The following SLC14A2 variants were observed in gnomAD, a reference collection of about 807,000 sequenced individuals.
SLC14A2 encodes solute carrier family 14 member 2.
Under a neutral mutation model 104.6 loss-of-function variants are expected in SLC14A2, and 91 were observed. That is an observed-to-expected ratio of 0.87 (90% confidence interval 0.73 to 1.04). The LOEUF (loss-of-function observed/expected upper bound fraction) is 1.04, where lower values mean the gene tolerates loss of function less well. Ranked by LOEUF, SLC14A2 falls within the 50% of genes least tolerant of loss-of-function variation. SLC14A2 has a pLI of 0.00. For synonymous variants in SLC14A2, 476 were observed against 466.4 expected (o/e 1.02, Z -0.27); for missense variants, 1,189 against 1,156.0 (o/e 1.03, Z -0.41).
intron 2 of SLC14A2, among the ~76,000 whole-genome samples, chr18:45,522,490 C>T (rs1366043433): frequency 2.0e-5 from 3 of 152,082 alleles, no homozygotes; most frequent in East Asian, 1.9e-4. Context: ...GAGATGGCCC[C>T]GAGCTCAGGG....
chr18:45,210,135 T>C (rs998698943), upstream of SLC14A2, among the ~76,000 whole-genome samples: 2 of 152,176 alleles, frequency 1.3e-5, no homozygotes, highest in Non-Finnish European at 2.9e-5. Flanking sequence ...TATGCCAAGA[T>C]CTAGGGTCTG....
Position 45,578,333 on chromosome 18 carries a change from C to CTTGA in SLC14A2, c.-34-46295_-34-46292dup, listed in dbSNP as rs1341431010. Among the ~76,000 whole-genome samples, 6 of 152,336 alleles carry CTTGA rather than the reference C, an allele frequency of 3.9e-5. No homozygotes were observed. The South Asian group carries it at 1.2e-3, about 32-fold the overall frequency. On this transcript the variant is annotated intron_variant, in intron 2 of 20. Coordinates refer to the SLC14A2 transcript ENST00000586448. ...TAATTGTTGACTTGTTTTTCTCCATCTTGATTTTGGTTATTGCAGACCATA... is the reference window on the plus strand; with the variant it reads ...TAATTGTTGACTTGTTTTTCTCCATCTTGATTGATTTTGGTTATTGCAGACCATA...
At chr18:45,185,385 G>C in the SLC14A2 span, among the ~76,000 whole-genome samples, 2 of 151,892 alleles carry the variant, frequency 1.3e-5, no homozygotes, top group Non-Finnish European at 2.9e-5. Context: ...TCAGATTGTG[G>C]CCACCTGAGG....
chr18:45,468,205 G>T (rs919314355), intron 1 of SLC14A2, among the ~76,000 whole-genome samples: 1 of 152,082 alleles, frequency 6.6e-6, no homozygotes, highest in Admixed American at 6.6e-5. Flanking sequence ...GTTCTCCAGG[G>T]GCTGGTGGGG....
intron 1 of SLC14A2, among the ~76,000 whole-genome samples, chr18:45,227,453 G>A (rs1051889952): frequency 6.6e-6 from 1 of 152,212 alleles, no homozygotes; most frequent in African/African-American, 2.4e-5. Context: ...CCAAGATCAA[G>A]GCACCAGCAT....
rs1484362602 is a variant in SLC14A2, at chr18:45,542,560, GA to G, written c.-35+59245del. Among the ~76,000 whole-genome samples the G allele has an allele frequency of 1.2e-4, 18 of 151,920 alleles. No individual in the cohort carries two copies. In the East Asian group the frequency reaches 3.5e-3, roughly 29 times the overall value. ...TAAAGATGTATCTTGTTTTATATAAGAAAAAAAGGATTCCTGAAAAATATTA... is the reference window on the plus strand; with the variant it reads ...TAAAGATGTATCTTGTTTTATATAAGAAAAAAGGATTCCTGAAAAATATTA... On this transcript the variant is annotated intron_variant, in intron 2 of 20. Coordinates refer to the SLC14A2 transcript ENST00000586448.
chr18:45,453,780 T>C (rs1334868398), intron 1 of SLC14A2, among the ~76,000 whole-genome samples: 1 of 151,848 alleles, frequency 6.6e-6, no homozygotes, highest in Non-Finnish European at 1.5e-5. Flanking sequence ...GTGCCTCCCT[T>C]ACTGAAACCT....
At chr18:45,576,266 C>T (rs371761888) in intron 2 of SLC14A2, among the ~76,000 whole-genome samples, 100 of 126,102 alleles carry the variant, frequency 7.9e-4, no homozygotes, top group African/African-American at 2.7e-3. Flanking sequence ...GTGGCTGGAG[C>T]AGGGGCTTTT....
At chr18:45,671,051 CAG>C (rs1054107887) in intron 16 of SLC14A2, among the ~76,000 whole-genome samples, 5 of 152,188 alleles carry the variant, frequency 3.3e-5, no homozygotes, top group Non-Finnish European at 7.3e-5. Context: ...GCTGTGCTGG[CAG>C]TTCAGCTTCT....
At chr18:45,207,623 A>C in the SLC14A2 span, among the ~76,000 whole-genome samples, 3 of 152,216 alleles carry the variant, frequency 2.0e-5, no homozygotes, top group African/African-American at 7.2e-5. Flanking sequence ...CAGCTTGACC[A>C]TCAGCCTTCA....
intron 2 of SLC14A2, among the ~76,000 whole-genome samples, chr18:45,579,224 T>A (rs2044456085): frequency 6.6e-6 from 1 of 152,204 alleles, no homozygotes; most frequent in Admixed American, 6.5e-5. Flanking sequence ...CACCTCTTGA[T>A]AAGAAATGCT....
chr18:45,316,062 C>A (rs894209689), intron 1 of SLC14A2, among the ~76,000 whole-genome samples: 2 of 152,132 alleles, frequency 1.3e-5, no homozygotes, highest in African/African-American at 4.8e-5. Flanking sequence ...TCTCAGGGAC[C>A]CCAGAGGGAG....
intron 2 of SLC14A2, among the ~76,000 whole-genome samples, chr18:45,548,164 G>A (rs2144273385): frequency 6.6e-6 from 1 of 152,332 alleles, no homozygotes; most frequent in South Asian, 2.1e-4. Context: ...CTGTTGTCCA[G>A]TGGAAGTTCT....
intron 1 of SLC14A2, among the ~76,000 whole-genome samples, chr18:45,331,156 T>C (rs1310125589): frequency 1.3e-5 from 2 of 152,240 alleles, no homozygotes; most frequent in East Asian, 3.8e-4. Context: ...ACTGCATCGA[T>C]GTTCAGGCAT....
intron 1 of SLC14A2, among the ~76,000 whole-genome samples, chr18:45,230,552 T>C (rs921216640): frequency 2.0e-5 from 3 of 152,122 alleles, no homozygotes; most frequent in African/African-American, 7.2e-5. Flanking sequence ...CCAGACAAGT[T>C]AATCCAAAAA....
chr18:45,590,629 C>T (rs772555409), intron 2 of SLC14A2, among the ~76,000 whole-genome samples: 2 of 152,100 alleles, frequency 1.3e-5, no homozygotes, highest in Non-Finnish European at 2.9e-5. Context: ...AAAGTCCAGA[C>T]CCCTGGAATG....
In SLC14A2 at chr18:45,536,910, C is replaced by T. The variant is rs574258620; in HGVS notation, c.-35+53588C>T. 2.6e-5 allele frequency among the ~76,000 whole-genome samples: 4 copies of T among 152,234 alleles called. No homozygotes were observed. In the South Asian group the frequency reaches 6.2e-4, roughly 24 times the overall value. On this transcript the variant is annotated intron_variant, in intron 2 of 20. Coordinates refer to the SLC14A2 transcript ENST00000586448. The stretch of plus-strand genomic sequence containing the variant: ...AATGCTGGGTGTCCTGGGTGGGCAT[C>T]CTTGCAGGCCTTCAAGGACCTTGTG...
At chr18:45,375,730 A>G (rs1043900821) in intron 1 of SLC14A2, among the ~76,000 whole-genome samples, 2 of 152,218 alleles carry the variant, frequency 1.3e-5, no homozygotes, top group African/African-American at 4.8e-5. Context: ...TCTACTACTG[A>G]ACCACCAGCA....
chr18:45,224,214 T>G (rs1046472178), intron 1 of SLC14A2, among the ~76,000 whole-genome samples: 2 of 152,210 alleles, frequency 1.3e-5, no homozygotes. Context: ...AGCCAAAGCC[T>G]CTTGGCTGCC....
Sources: gnomAD v4.1 joint callset for allele counts (sites outside exome capture counted in the v4.1 genomes callset) on GRCh38, gnomAD v4.1.1 for gene constraint, MANE v1.5 for transcripts, NCBI Gene and HGNC (gene_info 2026-07-23, HGNC 2026-07-21) for gene names.